NOX4: variants seen among roughly 807,000 people sequenced by gnomAD.
NOX4 encodes the protein kidney oxidase-1.
In NOX4, 69 loss-of-function variants were observed where a neutral mutation model predicts 87.6. That is an observed-to-expected ratio of 0.79 (90% CI 0.65 to 0.96). The LOEUF (loss-of-function observed/expected upper bound fraction) is 0.96. NOX4 is among the 40% of genes least tolerant of loss of function. The pLI, the probability that NOX4 is intolerant of heterozygous loss-of-function variation, is 0.00. For synonymous variants in NOX4, 275 were observed against 238.2 expected (o/e 1.15, Z -1.42); for missense variants, 680 against 681.5 (o/e 1.00, Z 0.02).
chr11:89,367,923 A>G (rs1475531868), intron 12 of NOX4, among the ~76,000 whole-genome samples: 1 of 151,974 alleles, frequency 6.6e-6, no homozygotes, highest in Non-Finnish European at 1.5e-5. Context: ...TTCTCCGTGG[A>G]ATAATCCCCC....
chr11:89,491,419 G>A, upstream of NOX4: 1 of 584,744 alleles, frequency 1.7e-6, no homozygotes, highest in South Asian at 2.3e-5. Context: ...GGCGGGGTCT[G>A]CTACCCAGAG....
At chr11:89,583,727 A>G in the NOX4 span, among the ~76,000 whole-genome samples, 1 of 152,200 alleles carries the variant, frequency 6.6e-6, no homozygotes, top group East Asian at 1.9e-4. Context: ...ACATTACAAC[A>G]TTACCACATC....
the NOX4 span, among the ~76,000 whole-genome samples, chr11:89,588,249 A>G: frequency 6.6e-6 from 1 of 152,180 alleles, no homozygotes. Flanking sequence ...TGTAATGCCA[A>G]TTTTGTAGTA....
At chr11:89,343,623 A>G (rs1946095482) in intron 13 of NOX4, among the ~76,000 whole-genome samples, 1 of 152,214 alleles carries the variant, frequency 6.6e-6, no homozygotes, top group South Asian at 2.1e-4. Flanking sequence ...AATCTGATTA[A>G]TATGTGTGAA....
intron 6 of NOX4, among the ~76,000 whole-genome samples, chr11:89,439,793 A>G (rs1317583837): frequency 6.6e-6 from 1 of 152,204 alleles, no homozygotes; most frequent in African/African-American, 2.4e-5. Flanking sequence ...GCTTTAACAA[A>G]TTAATAGTCT....
intron 9 of NOX4, among the ~76,000 whole-genome samples, chr11:89,402,055 G>A (rs2135186065): frequency 6.6e-6 from 1 of 151,932 alleles, no homozygotes; most frequent in Non-Finnish European, 1.5e-5. Flanking sequence ...AAAAATATTT[G>A]TCATCTCTTG....
chr11:89,421,242 C>T (rs1245782070), intron 8 of NOX4, among the ~76,000 whole-genome samples: 1 of 152,120 alleles, frequency 6.6e-6, no homozygotes, highest in African/African-American at 2.4e-5. Flanking sequence ...TGCCGGTGGC[C>T]ATACAGACAT....
At chr11:89,523,400 A>G in the NOX4 span, among the ~76,000 whole-genome samples, 1 of 152,232 alleles carries the variant, frequency 6.6e-6, no homozygotes, top group Admixed American at 6.5e-5. Context: ...ATGAGAGAAT[A>G]AAAATAAATG....
intron 2 of NOX4, among the ~76,000 whole-genome samples, chr11:89,465,095 C>T (rs1945618603): frequency 6.6e-6 from 1 of 152,024 alleles, no homozygotes; most frequent in Non-Finnish European, 1.5e-5. Flanking sequence ...ACCCATGAAC[C>T]CATCAACTAC....
At chr11:89,367,371 C>T (rs1194607272) in intron 12 of NOX4, among the ~76,000 whole-genome samples, 2 of 151,910 alleles carry the variant, frequency 1.3e-5, no homozygotes, top group Non-Finnish European at 2.9e-5. Flanking sequence ...AGCAATAGGC[C>T]CATTTGCTAT....
intron 11 of NOX4, among the ~76,000 whole-genome samples, chr11:89,394,440 T>C (rs985873694): frequency 2.6e-5 from 4 of 152,130 alleles, no homozygotes; most frequent in African/African-American, 7.2e-5. Context: ...TTTAATGTTA[T>C]GGTGAAGAAA....
intron 7 of NOX4, among the ~76,000 whole-genome samples, chr11:89,424,266 AT>A (rs992410623): frequency 9.2e-5 from 14 of 151,698 alleles, no homozygotes; most frequent in African/African-American, 3.4e-4. Flanking sequence ...TAAAAGGATT[AT>A]TTTTATATTT....
chr11:89,411,587 G>C (rs373059034), intron 8 of NOX4, among the ~76,000 whole-genome samples: 191 of 152,278 alleles, frequency 1.3e-3, no homozygotes, highest in South Asian at 9.3e-3. Context: ...TAGCTACGCA[G>C]TACCTCACTG....
intron 13 of NOX4, among the ~76,000 whole-genome samples, chr11:89,343,465 T>C (rs1946088186): frequency 6.6e-6 from 1 of 152,076 alleles, no homozygotes; most frequent in Non-Finnish European, 1.5e-5. Flanking sequence ...CATTTGATTT[T>C]TTTTTTTTTG....
chr11:89,433,369 G>C (rs1943913135), intron 6 of NOX4, among the ~76,000 whole-genome samples: 1 of 151,828 alleles, frequency 6.6e-6, no homozygotes, highest in Admixed American at 6.6e-5. Flanking sequence ...ATTCTACTCA[G>C]AATGGCAAAT....
chr11:89,470,076 AAATAATAAT>A (rs3066903), intron 2 of NOX4, among the ~76,000 whole-genome samples: 3,260 of 149,636 alleles, frequency 0.022, 114 homozygotes, highest in African/African-American at 0.07. Context: ...TGCAAAATGA[AAATAATAAT>A]AATAATAATA....
intron 13 of NOX4, among the ~76,000 whole-genome samples, chr11:89,347,823 A>G (rs1334514823): frequency 6.6e-6 from 1 of 152,232 alleles, no homozygotes; most frequent in Non-Finnish European, 1.5e-5. Context: ...TGAATATGAA[A>G]TTGCCAAGTA....
At chr11:89,576,597 G>T in the NOX4 span, among the ~76,000 whole-genome samples, 13,910 of 151,902 alleles carry the variant, frequency 0.092, 1,999 homozygotes, top group African/African-American at 0.31. Context: ...TGCCATTAAC[G>T]CCATATAGTT....
chr11:89,477,549 T>G (rs549501232), intron 2 of NOX4, among the ~76,000 whole-genome samples: 38 of 152,212 alleles, frequency 2.5e-4, no homozygotes, highest in African/African-American at 9.1e-4. Flanking sequence ...TGGAGAATGA[T>G]TAAATTGATA....
Sources: allele counts gnomAD v4.1 joint callset (sites outside exome capture counted in the v4.1 genomes callset), GRCh38; gene constraint gnomAD v4.1.1; transcripts MANE v1.5; gene names NCBI Gene and HGNC (gene_info 2026-07-23, HGNC 2026-07-21).